Variants in TMEM145 observed in about 807,000 individuals in gnomAD.
TMEM145 encodes the protein transmembrane protein 145.
In TMEM145, 46 loss-of-function variants were observed where a neutral mutation model predicts 68.5. The observed-to-expected ratio is 0.67, with a 90% confidence interval of 0.53 to 0.86. The LOEUF (loss-of-function observed/expected upper bound fraction) is 0.86. Ranked by LOEUF, TMEM145 falls within the 40% of genes least tolerant of loss-of-function variation. TMEM145 has a pLI of 0.00. For missense variants in TMEM145, 570 were observed against 645.8 expected, an observed-to-expected ratio of 0.88 and a Z score of 1.27; for synonymous variants, 255 against 280.2, an observed-to-expected ratio of 0.91 and a Z score of 0.90.
chr19:42,314,205 T>TG lies in TMEM145; in HGVS notation c.121-62dup, dbSNP rs1338673945. On this transcript the variant is annotated intron_variant, in intron 1 of 14. Transcript: ENST00000301204. ...TACCTGGGGGGTAGGGAAGAAAAGT[T>TG]GGGGGTCTATGGAGTAAAGAGTTCT... 8.9e-6 allele frequency: 14 copies of TG among 1,575,852 alleles called. No homozygotes were observed. The African/African-American group carries it at 1.8e-4, about 20-fold the overall frequency.
intron 13 of TMEM145, among the ~76,000 whole-genome samples, chr19:42,320,644 TC>T (rs1331744346): frequency 1.3e-5 from 2 of 151,988 alleles, no homozygotes; most frequent in African/African-American, 4.8e-5. Flanking sequence ...TTTTTTTTTT[TC>T]GAGACAGAGT....
intron 13 of TMEM145, among the ~76,000 whole-genome samples, chr19:42,322,610 A>G (rs1303182386): frequency 6.6e-6 from 1 of 152,066 alleles, no homozygotes; most frequent in East Asian, 1.9e-4. Flanking sequence ...ATGGCGGTGG[A>G]GTCACACCCA....
Position 42,324,870 on chromosome 19 carries a change from T to C in TMEM145, c.*53T>C. On this transcript the variant is annotated 3_prime_UTR_variant, in exon 15 of 15. Coordinates refer to ENST00000301204, the MANE Select transcript of TMEM145 (RefSeq NM_173633.3). ...TGACCGCCGGGACCCTGCCTGTGACTCTCCAGGACTCTGCGACCCCGGGAT... is the reference window on the plus strand; with the variant it reads ...TGACCGCCGGGACCCTGCCTGTGACCCTCCAGGACTCTGCGACCCCGGGAT... 6.9e-7 allele frequency: 1 copy of C among 1,445,262 alleles called. No individual in the cohort carries two copies. Among genetic ancestry groups the C allele is most frequent in the African/African-American group, 1.5e-5 (1 of 67,684 alleles). 89.5% of individuals were successfully genotyped at this position (1,445,262 alleles called of 1,614,324 possible).
At chr19:42,321,915 C>G (rs1008288006) in intron 13 of TMEM145, 2 of 152,300 alleles carry the variant, frequency 1.3e-5, no homozygotes, top group South Asian at 4.1e-4. Flanking sequence ...CTACACAGAG[C>G]GGGGAAGCTA....
intron 12 of TMEM145, among the ~76,000 whole-genome samples, chr19:42,319,757 CTT>C (rs111353949): frequency 0.02 from 2,048 of 102,516 alleles, 52 homozygotes; most frequent in African/African-American, 0.067. Context: ...CTGATTTCTT[CTT>C]TTTTTTTTTT....
chr19:42,320,096 T>G (rs2038897382), intron 12 of TMEM145, among the ~76,000 whole-genome samples: 2 of 151,932 alleles, frequency 1.3e-5, no homozygotes, highest in Non-Finnish European at 2.9e-5. Flanking sequence ...GGATTTGGGG[T>G]GGTGTGGAAC....
chr19:42,318,127 G>A (rs1220891459), intron 12 of TMEM145, among the ~76,000 whole-genome samples: 1 of 152,106 alleles, frequency 6.6e-6, no homozygotes, highest in African/African-American at 2.4e-5. Flanking sequence ...CAGCCCTTTG[G>A]GAGGCCGAGG....
rs1179083155 is a variant in TMEM145, at chr19:42,313,385, C to T, written c.9C>T (p.Pro3=). 5.1e-5 allele frequency: 65 copies of T among 1,270,648 alleles called. No homozygotes were observed. The highest frequency in any genetic ancestry group is 5.9e-5 in the Non-Finnish European group (58 of 989,734). The allele number at this position is 1,270,648 out of a possible 1,614,324, so 78.7% of individuals were successfully genotyped here. A position where few individuals can be genotyped will look rare whatever the true frequency, so the allele number is the denominator to read the frequency against. ME[P]LRAPALRRLL... is the part of the protein sequence containing the mutation. The stretch of plus-strand genomic sequence containing the variant: ...GGGCCGGAGCGGGCGGAATGGAGCC[C>T]CTGCGCGCGCCCGCGCTGCGCCGCC... Residue 3 remains proline, a synonymous_variant, in exon 1 of 15, where the codon CCC becomes CCT. Coordinates refer to ENST00000301204, the MANE Select transcript of TMEM145 (RefSeq NM_173633.3). This position sits in a 1 kb window ranked among gnomAD's most constrained non-coding sequence, Gnocchi z 5.1.
At position 42,316,885 on chromosome 19, in the gene TMEM145, C is replaced by T. The variant is rs369385156; in HGVS notation, c.822C>T (p.His274=). ...GFTVTRGRIS[H]AGSVKLSVYM... is the part of the protein sequence containing the mutation. ...CTGCTGCCAGGGGCCGCATCAGCCA[C>T]GCGGGCTCCGTGAAGTTGTCTGTCT... The change falls in exon 11 of 15, where the codon CAC becomes CAT. Residue 274 remains histidine, a synonymous_variant. Coordinates refer to ENST00000301204, the MANE Select transcript of TMEM145 (RefSeq NM_173633.3). 51 of 1,613,506 alleles carry T rather than the reference C, an allele frequency of 3.2e-5. No homozygotes were observed. The highest frequency in any genetic ancestry group is 3.9e-5 in the Non-Finnish European group (46 of 1,179,962).
intron 13 of TMEM145, chr19:42,321,340 G>A (rs866865340): frequency 2.9e-5 from 11 of 385,334 alleles, no homozygotes; most frequent in East Asian, 1.5e-4. Context: ...CTCAGCCTCC[G>A]GAGTAGCTGG....
In TMEM145 at chr19:42,323,750, C is replaced by G. The variant is rs757862802; in HGVS notation, c.1362C>G (p.Asn454Lys). ...NVTFISDSVP[N>K]FTELFSIPPP... ...CGTTTATCAGCGACTCGGTGCCCAA[C>G]TTCACGGAGCTCTTCTCCATCCCCC... Residue 454 changes from asparagine (N) to lysine (K), a missense_variant, in exon 14 of 15, where the codon AAC becomes AAG. Coordinates refer to ENST00000301204, the MANE Select transcript of TMEM145 (RefSeq NM_173633.3). 1 of 1,614,198 alleles carries G rather than the reference C, an allele frequency of 6.2e-7. No individual in the cohort carries two copies. Among genetic ancestry groups the G allele is most frequent in the East Asian group, 2.2e-5 (1 of 44,884 alleles).
Position 42,324,328 on chromosome 19 carries a change from G to A in TMEM145, c.1402-409G>A, listed in dbSNP as rs1017889582. On this transcript the variant is annotated intron_variant, in intron 14 of 14. Transcript: ENST00000301204. ...CGGTGGCGGCGGCGGTGGCCCCGAG[G>A]GGCCGCGTGGTGACCATGGCCGAGC... 4 of 985,058 alleles carry A rather than the reference G, an allele frequency of 4.1e-6. No individual in the cohort carries two copies. In the African/African-American group the frequency reaches 7.0e-5, roughly 17 times the overall value. 61.0% of individuals were successfully genotyped at this position (985,058 alleles called of 1,614,324 possible).
intron 11 of TMEM145, among the ~76,000 whole-genome samples, chr19:42,317,403 CCTTAGTTTCCT>C (rs775672042): frequency 1.4e-4 from 21 of 152,208 alleles, no homozygotes; most frequent in Non-Finnish European, 2.5e-4. Context: ...TCCCTCTTAG[CCTTAGTTTCCT>C]CTTCTGTGAG....
At chr19:42,324,666 C>T in intron 14 of TMEM145, 71 bp from the exon 15 acceptor site, 1 of 1,154,226 alleles carries the variant, frequency 8.7e-7, no homozygotes, top group Non-Finnish European at 1.1e-6. Context: ...GTTGGGTACG[C>T]TGCGTCCCGC....
At chr19:42,318,386 C>A (rs1437115811) in intron 12 of TMEM145, among the ~76,000 whole-genome samples, 53 of 138,622 alleles carry the variant, frequency 3.8e-4, no homozygotes, top group East Asian at 3.6e-3. Flanking sequence ...AAAAAAAAAA[C>A]CAAACAGGAT....
At chr19:42,321,459 G>A (rs1442944299) in intron 13 of TMEM145, 4 of 236,716 alleles carry the variant, frequency 1.7e-5, no homozygotes, top group Admixed American at 6.1e-5. Context: ...GTGCGATCTC[G>A]GCTCACTGCA....
chr19:42,314,914 C>T lies in TMEM145; in HGVS notation c.420+63C>T. On this transcript the variant is annotated intron_variant, in intron 5 of 14. Transcript: ENST00000301204. ...GTGGGGTAAGGGGCTGGGGTGGCCA[C>T]CTGGACCACCTTCTCTTTGCCTTCC... 3 of 1,613,924 alleles carry T rather than the reference C, an allele frequency of 1.9e-6. No homozygotes were observed. In the South Asian group the frequency reaches 3.3e-5, roughly 18 times the overall value.
intron 12 of TMEM145, among the ~76,000 whole-genome samples, chr19:42,319,993 A>G (rs2038896457): frequency 6.6e-6 from 1 of 152,152 alleles, no homozygotes; most frequent in African/African-American, 2.4e-5. Context: ...TCCCAACCTC[A>G]GGTGATCTGC....
chr19:42,322,925 T>C (rs2038924957), intron 13 of TMEM145, among the ~76,000 whole-genome samples: 1 of 152,154 alleles, frequency 6.6e-6, no homozygotes, highest in East Asian at 1.9e-4. Context: ...GGTCTCAAAC[T>C]CCTGACCTCA....
Sources: allele counts gnomAD v4.1 joint callset (sites outside exome capture counted in the v4.1 genomes callset), GRCh38; gene constraint gnomAD v4.1.1; non-coding constraint Gnocchi (gnomAD v3.1); transcripts MANE v1.5; gene names NCBI Gene and HGNC (gene_info 2026-07-23, HGNC 2026-07-21).